The following SYTL2 variants were observed in gnomAD, a reference collection of about 807,000 sequenced individuals.
SYTL2 encodes synaptotagmin like 2.
Under a neutral mutation model 198.7 loss-of-function variants are expected in SYTL2, and 165 were observed. That is an observed-to-expected ratio of 0.83 (90% confidence interval 0.73 to 0.94). The LOEUF is 0.94. Among genes scored for constraint, SYTL2 ranks in the 40% least tolerant of loss-of-function variants. The pLI, the probability that SYTL2 is intolerant of heterozygous loss-of-function variation, is 0.00. For missense variants in SYTL2, 2,835 were observed against 2,582.8 expected (o/e 1.10, Z -2.12); for synonymous variants, 966 against 917.7 (o/e 1.05, Z -0.95).
At chr11:85,820,727 A>G in the SYTL2 span, among the ~76,000 whole-genome samples, 1 of 152,234 alleles carries the variant, frequency 6.6e-6, no homozygotes, top group South Asian at 2.1e-4. Flanking sequence ...TGTATCTCCT[A>G]TTCCTCAGCA....
In SYTL2 at chr11:85,708,277, C is replaced by T. The variant is rs188294124; in HGVS notation, c.5916-746G>A. The T allele has an allele frequency of 1.6e-3, 386 of 247,172 alleles. 8 individuals are homozygous for T. Among genetic ancestry groups the T allele is most frequent in the South Asian group, 7.6e-3 (214 of 28,264 alleles). The allele number at this position is 247,172 out of a possible 1,614,324, so 15.3% of individuals were successfully genotyped here. ...TGCAGTATTTTTAAGTTTTTGTTACCGTCTTTTGAAATAAATTAATCTTAG... is the reference window on the plus strand; with the variant it reads ...TGCAGTATTTTTAAGTTTTTGTTACTGTCTTTTGAAATAAATTAATCTTAG... On this transcript the variant is annotated intron_variant, in intron 14 of 19. Coordinates refer to ENST00000359152, the MANE Select transcript of SYTL2 (RefSeq NM_206927.4).
the SYTL2 span, among the ~76,000 whole-genome samples, chr11:85,839,625 C>A: frequency 1.3e-5 from 2 of 152,242 alleles, no homozygotes; most frequent in East Asian, 3.9e-4. Context: ...GAATCTCATT[C>A]GTGATTAAAT....
At chr11:85,789,357 T>C (rs1435467200) in intron 1 of SYTL2, among the ~76,000 whole-genome samples, 4 of 61,966 alleles carry the variant, frequency 6.5e-5, no homozygotes, top group South Asian at 7.7e-4. Flanking sequence ...TATATATATA[T>C]ATATATATAT....
Position 85,694,503 on chromosome 11 carries a change from C to A in SYTL2, c.*692G>T, listed in dbSNP as rs1454468844. Reference sequence around the variant, plus strand: ...TTAAAAAAATAAACTCATAAAAATACAGGCTTGAGACCTATTTTAGAATTA... The same window carrying A: ...TTAAAAAAATAAACTCATAAAAATAAAGGCTTGAGACCTATTTTAGAATTA... On this transcript the variant is annotated 3_prime_UTR_variant, in exon 20 of 20. Transcript: ENST00000359152. 1 of 152,162 alleles carries A rather than the reference C, an allele frequency of 6.6e-6. No homozygotes were observed. Among genetic ancestry groups the A allele is most frequent in the East Asian group, 1.9e-4 (1 of 5,196 alleles). The allele number at this position is 152,162 out of a possible 1,614,324, so 9.4% of individuals were successfully genotyped here.
intron 2 of SYTL2, among the ~76,000 whole-genome samples, 173 bp from the exon 3 acceptor site, chr11:85,748,596 T>G (rs2091318000): frequency 2.0e-5 from 3 of 152,324 alleles, no homozygotes; most frequent in Admixed American, 1.3e-4. Flanking sequence ...CTTTGAAAAG[T>G]CAGAGAAGAC....
intron 6 of SYTL2, among the ~76,000 whole-genome samples, chr11:85,735,682 G>A (rs554049670): frequency 7.7e-4 from 117 of 152,158 alleles, no homozygotes; most frequent in African/African-American, 2.5e-3. Context: ...CCCGGAACCC[G>A]GGAGGCGAAG....
the SYTL2 span, among the ~76,000 whole-genome samples, chr11:85,820,183 T>C: frequency 2.0e-5 from 3 of 152,200 alleles, no homozygotes; most frequent in African/African-American, 7.2e-5. Context: ...AATAGAAATC[T>C]CACATTTTTA....
chr11:85,816,746 C>G, the SYTL2 span, among the ~76,000 whole-genome samples: 1 of 151,680 alleles, frequency 6.6e-6, no homozygotes, highest in African/African-American at 2.4e-5. Flanking sequence ...TTGTTCTCTA[C>G]AAAAAATAAA....
chr11:85,852,508 C>T, the SYTL2 span: 5 of 159,022 alleles, frequency 3.1e-5, no homozygotes, highest in South Asian at 1.8e-4. Flanking sequence ...CGAGTGCCTG[C>T]GGTTGCAGGC....
the SYTL2 span, among the ~76,000 whole-genome samples, chr11:85,823,950 T>C: frequency 6.6e-6 from 1 of 152,158 alleles, no homozygotes; most frequent in Non-Finnish European, 1.5e-5. Flanking sequence ...AGTAAACAAG[T>C]AACAATTCTG....
At chr11:85,708,556 A>G (rs931151520) in intron 14 of SYTL2, among the ~76,000 whole-genome samples, 1 of 152,220 alleles carries the variant, frequency 6.6e-6, no homozygotes, top group Non-Finnish European at 1.5e-5. Flanking sequence ...GTAAGATATA[A>G]TTTAAATATG....
At chr11:85,791,169 A>G (rs922475277) in intron 1 of SYTL2, among the ~76,000 whole-genome samples, 2 of 102,814 alleles carry the variant, frequency 1.9e-5, no homozygotes, top group African/African-American at 3.2e-5. Flanking sequence ...TCTGCCTCAA[A>G]AAAAAAAAAA....
chr11:85,701,722 T>C (rs2084327538), intron 16 of SYTL2, among the ~76,000 whole-genome samples: 1 of 152,224 alleles, frequency 6.6e-6, no homozygotes, highest in Non-Finnish European at 1.5e-5. Context: ...CACTAAGTTA[T>C]GGTTTGTATT....
intron 9 of SYTL2, among the ~76,000 whole-genome samples, chr11:85,719,900 A>T (rs983218472): frequency 6.6e-6 from 1 of 152,094 alleles, no homozygotes; most frequent in Non-Finnish European, 1.5e-5. Flanking sequence ...TAAACATAAC[A>T]ATGGCCAATT....
chr11:85,718,566 T>A, intron 10 of SYTL2: 1 of 551,962 alleles, frequency 1.8e-6, no homozygotes, highest in Admixed American at 3.4e-5. Context: ...TTCACAAGGG[T>A]CTCTGATGAG....
chr11:85,716,208 C>T (rs1268970465), intron 11 of SYTL2: 1 of 152,118 alleles, frequency 6.6e-6, no homozygotes, highest in Non-Finnish European at 1.5e-5. Context: ...TTGAACAAAA[C>T]ATAGCAAGAT....
At chr11:85,809,217 G>A (rs190813207) in intron 1 of SYTL2, among the ~76,000 whole-genome samples, 127 of 152,308 alleles carry the variant, frequency 8.3e-4, no homozygotes, top group African/African-American at 2.7e-3. Context: ...ACCAGCCAAC[G>A]GTTAGGGCTA....
At chr11:85,700,639 C>T in intron 16 of SYTL2, 46 bp from the exon 17 acceptor site, 3 of 1,455,546 alleles carry the variant, frequency 2.1e-6, no homozygotes, top group Non-Finnish European at 2.9e-6. Context: ...AACTTTTCAT[C>T]CTGTTTGTTG....
chr11:85,723,075 T>C lies in SYTL2; in HGVS notation c.5326+957A>G, dbSNP rs191809464. Among the ~76,000 whole-genome samples the C allele has an allele frequency of 2.0e-5, 3 of 152,360 alleles. No individual in the cohort carries two copies. In the East Asian group the frequency reaches 5.8e-4, roughly 29 times the overall value. ...AATGTCCCAGCCAAAAAACATTCTC[T>C]ATCATTTCATCATTTTAATCAGGTA... is the stretch of plus-strand genomic sequence containing the variant. On this transcript the variant is annotated intron_variant, in intron 8 of 19. Coordinates refer to ENST00000359152, the MANE Select transcript of SYTL2 (RefSeq NM_206927.4).
Sources: allele counts gnomAD v4.1 joint callset (sites outside exome capture counted in the v4.1 genomes callset), GRCh38; gene constraint gnomAD v4.1.1; transcripts MANE v1.5; gene names NCBI Gene and HGNC (gene_info 2026-07-23, HGNC 2026-07-21).